The following RINT1 variants were observed in gnomAD, a reference collection of about 807,000 sequenced individuals.
RINT1 encodes RAD50 interactor 1.
RINT1 carries 75 observed loss-of-function variants against 97.7 expected under a neutral mutation model. The observed-to-expected ratio is 0.77, with a 90% CI of 0.64 to 0.93. The LOEUF (loss-of-function observed/expected upper bound fraction) is 0.93. Ranked by LOEUF, RINT1 falls within the 40% of genes least tolerant of loss-of-function variation. The pLI, the probability that RINT1 is intolerant of heterozygous loss-of-function variation, is 0.00. For missense variants in RINT1, 892 were observed against 925.2 expected (o/e 0.96, Z 0.47); for synonymous variants, 303 against 326.3 (o/e 0.93, Z 0.77).
intron 11 of RINT1, among the ~76,000 whole-genome samples, chr7:105,559,386 C>A (rs184987523): frequency 6.6e-6 from 1 of 151,790 alleles, no homozygotes; most frequent in Non-Finnish European, 1.5e-5. Context: ...ACTAAAAATA[C>A]AAAAACTAGC....
chr7:105,535,803 G>T, intron 2 of RINT1: 1 of 289,256 alleles, frequency 3.5e-6, no homozygotes, highest in South Asian at 3.1e-5. Context: ...CTCCCACAGT[G>T]CTGGGATTAC....
At position 105,532,331 on chromosome 7, in the gene RINT1, G is replaced by A; in HGVS notation, c.16G>A (p.Glu6Lys). ...CGGAGGCGAGATGCTACCAGCCGGC[G>A]AGATCGGCGCCTCTCCTGCAGCCCC... is the stretch of plus-strand genomic sequence containing the variant. The part of the protein sequence containing the change: MLPAG[E>K]IGASPAAPCC... The change falls in exon 1 of 15, where the codon GAG becomes AAG. Residue 6 changes from glutamate to lysine, a missense_variant. Transcript: ENST00000257700. 1 of 1,596,844 alleles carries A rather than the reference G, an allele frequency of 6.3e-7. No homozygotes were observed.
intron 9 of RINT1, among the ~76,000 whole-genome samples, chr7:105,551,024 G>C (rs946294623): frequency 8.5e-5 from 13 of 152,182 alleles, no homozygotes; most frequent in African/African-American, 2.9e-4. Flanking sequence ...CAAAGTGTCA[G>C]AATATTTTAT....
At chr7:105,553,867 C>A (rs1344120626) in intron 10 of RINT1, among the ~76,000 whole-genome samples, 1 of 147,078 alleles carries the variant, frequency 6.8e-6, no homozygotes, top group Non-Finnish European at 1.5e-5. Context: ...ACTACAGGCA[C>A]CCGTCACCAT....
chr7:105,535,363 G>A (rs978266666), intron 2 of RINT1, among the ~76,000 whole-genome samples: 1 of 151,346 alleles, frequency 6.6e-6, no homozygotes, highest in Non-Finnish European at 1.5e-5. Context: ...CCGAGTAGCT[G>A]GGACTATAAG....
Position 105,550,406 on chromosome 7 carries a change from A to T in RINT1, c.1253A>T (p.Tyr418Phe), listed in dbSNP as rs762528720. 1 of 1,614,204 alleles carries T rather than the reference A, an allele frequency of 6.2e-7. No homozygotes were observed. The highest frequency in any genetic ancestry group is 8.5e-7 in the Non-Finnish European group (1 of 1,180,032). Residue 418 changes from tyrosine (Y) to phenylalanine (F), a missense_variant, in exon 9 of 15, where the codon TAT becomes TTT. Coordinates refer to ENST00000257700, the MANE Select transcript of RINT1 (RefSeq NM_021930.6). ...FERELHSVHGYPGTFASCMHI... is the reference protein window; with the variant it reads ...FERELHSVHGFPGTFASCMHI... ...AGGGAGCTACACAGTGTTCATGGCT[A>T]TCCTGGCACTTTTGCTAGTTGTATG...
intron 3 of RINT1, among the ~76,000 whole-genome samples, chr7:105,540,265 T>C (rs558425119): frequency 7.9e-5 from 12 of 151,642 alleles, no homozygotes; most frequent in African/African-American, 2.9e-4. Flanking sequence ...TTTGTATTTA[T>C]TTTATTTTAT....
intron 4 of RINT1, among the ~76,000 whole-genome samples, chr7:105,546,530 G>A (rs1390532329): frequency 6.6e-6 from 1 of 152,156 alleles, no homozygotes; most frequent in Non-Finnish European, 1.5e-5. Context: ...AAAACATGAA[G>A]AAGAAGCACT....
intron 3 of RINT1, among the ~76,000 whole-genome samples, chr7:105,541,013 A>G (rs1320208138): frequency 6.7e-6 from 1 of 149,154 alleles, no homozygotes; most frequent in Non-Finnish European, 1.5e-5. Context: ...ATTTTTTTGT[A>G]TTTTTTAGTA....
intron 4 of RINT1, among the ~76,000 whole-genome samples, chr7:105,543,495 T>A (rs1052266591): frequency 6.6e-6 from 1 of 152,152 alleles, no homozygotes; most frequent in Admixed American, 6.6e-5. Context: ...GTTAATTGTA[T>A]CTAGCTTTGC....
chr7:105,564,602 T>G (rs1791606399), intron 12 of RINT1, among the ~76,000 whole-genome samples: 1 of 152,148 alleles, frequency 6.6e-6, no homozygotes, highest in South Asian at 2.1e-4. Flanking sequence ...AGCAGTATCT[T>G]TTTGTCCTAG....
At chr7:105,549,505 C>T (rs570926712) in intron 7 of RINT1, among the ~76,000 whole-genome samples, 39 of 152,074 alleles carry the variant, frequency 2.6e-4, no homozygotes, top group Admixed American at 5.9e-4. Flanking sequence ...CCCACCACCA[C>T]GCCCAGCTAA....
At chr7:105,542,334 CA>C (rs979447833) in intron 3 of RINT1, 73 bp from the exon 4 acceptor site, 4,158 of 1,121,144 alleles carry the variant, frequency 3.7e-3, no homozygotes, top group Non-Finnish European at 4.2e-3. Flanking sequence ...GATCCCCTCT[CA>C]AAAAAAAAAT....
rs1382491511 is a variant in RINT1, at chr7:105,567,457, A to C, written c.*146A>C. The C allele has an allele frequency of 1.4e-6, 1 of 726,692 alleles. No individual in the cohort carries two copies. Among genetic ancestry groups the C allele is most frequent in the Non-Finnish European group, 2.4e-6 (1 of 410,914 alleles). 45.0% of individuals were successfully genotyped at this position (726,692 alleles called of 1,614,324 possible). On this transcript the variant is annotated 3_prime_UTR_variant, in exon 15 of 15. Coordinates refer to ENST00000257700, the MANE Select transcript of RINT1 (RefSeq NM_021930.6). ...TTATCTTGGATTTATGGTGTTATTA[A>C]AATGCTGACCATATTTCCTTCATCC... is the stretch of plus-strand genomic sequence containing the variant.
Position 105,550,282 on chromosome 7 carries a change from A to T in RINT1, c.1129A>T (p.Met377Leu), listed in dbSNP as rs1348070899. ...NARLEFSRGLMMLVLEKLATD... is the reference protein window; with the variant it reads ...NARLEFSRGLLMLVLEKLATD... Reference sequence around the variant, plus strand: ...TTAGCTTGAATTTTCTCGGGGCCTTATGATGCTGGTTCTTGAGAAGTTAGC... The same window carrying T: ...TTAGCTTGAATTTTCTCGGGGCCTTTTGATGCTGGTTCTTGAGAAGTTAGC... The change falls in exon 9 of 15, where the codon ATG (methionine) becomes TTG (leucine). Residue 377 changes from methionine to leucine, a missense_variant. Physicochemically the swap from Met to Leu is conservative, Grantham distance 15 (BLOSUM62 2). Coordinates refer to ENST00000257700, the MANE Select transcript of RINT1 (RefSeq NM_021930.6). 1 of 1,613,994 alleles carries T rather than the reference A, an allele frequency of 6.2e-7. No homozygotes were observed. Among genetic ancestry groups the T allele is most frequent in the Non-Finnish European group, 8.5e-7 (1 of 1,180,004 alleles).
In RINT1 at chr7:105,555,222, A is replaced by G. The variant is rs1791131103; in HGVS notation, c.1666A>G (p.Asn556Asp). Residue 556 changes from asparagine to aspartate, a missense_variant, in exon 11 of 15, where the codon AAT becomes GAT. Asn to Asp is a conservative substitution (Grantham distance 23). Coordinates refer to ENST00000257700, the MANE Select transcript of RINT1 (RefSeq NM_021930.6). ...ISTVLADWAD[N>D]VFFLQLQQAA... ...AACAGTACTAGCAGATTGGGCTGACAATGTTGTGAGTTAATATGCTTTTAT... is the reference window on the plus strand; with the variant it reads ...AACAGTACTAGCAGATTGGGCTGACGATGTTGTGAGTTAATATGCTTTTAT... The G allele has an allele frequency of 6.2e-7, 1 of 1,612,244 alleles. No homozygotes were observed.
rs998472789 is a variant in RINT1, at chr7:105,567,452, T to C, written c.*141T>C. The C allele has an allele frequency of 1.4e-5, 10 of 734,476 alleles. No homozygotes were observed. The highest frequency in any genetic ancestry group is 2.2e-5 in the Non-Finnish European group (9 of 418,204). The allele number at this position is 734,476 out of a possible 1,614,324, so 45.5% of individuals were successfully genotyped here. A position where few individuals can be genotyped will look rare whatever the true frequency, so the allele number is the denominator to read the frequency against. On this transcript the variant is annotated 3_prime_UTR_variant, in exon 15 of 15. Coordinates refer to ENST00000257700, the MANE Select transcript of RINT1 (RefSeq NM_021930.6). ...ACTTATTATCTTGGATTTATGGTGT[T>C]ATTAAAATGCTGACCATATTTCCTT...
chr7:105,544,428 T>G (rs1403160222), intron 4 of RINT1, among the ~76,000 whole-genome samples: 1 of 151,868 alleles, frequency 6.6e-6, no homozygotes, highest in Non-Finnish European at 1.5e-5. Flanking sequence ...TTTTATTTAT[T>G]TTAATTTTCT....
In RINT1 at chr7:105,567,348, TAAGA is replaced by T; in HGVS notation, c.*42_*45del. On this transcript the variant is annotated 3_prime_UTR_variant, in exon 15 of 15. Transcript: ENST00000257700. ...AAAAGGTTTCTTTGGTTTTTGTTTC[TAAGA>T]AAGAGGAAGCCAATTGGATTTCAAG... 2 of 1,443,768 alleles carry T rather than the reference TAAGA, an allele frequency of 1.4e-6. No homozygotes were observed. Among genetic ancestry groups the T allele is most frequent in the Non-Finnish European group, 9.6e-7 (1 of 1,046,214 alleles). The allele number at this position is 1,443,768 out of a possible 1,614,324, so 89.4% of individuals were successfully genotyped here.
Sources: allele counts gnomAD v4.1 joint callset (sites outside exome capture counted in the v4.1 genomes callset), GRCh38; gene constraint gnomAD v4.1.1; transcripts MANE v1.5; gene names NCBI Gene and HGNC (gene_info 2026-07-23, HGNC 2026-07-21).